Variants in ACTR3C observed in about 807,000 individuals in gnomAD.
ACTR3C encodes the protein actin related protein 3C.
Under a neutral mutation model 26.3 loss-of-function variants are expected in ACTR3C, and 18 were observed. The observed-to-expected ratio is 0.68, with a 90% confidence interval of 0.47 to 1.01. ACTR3C has a LOEUF of 1.01. Ranked by LOEUF, ACTR3C falls within the 50% of genes least tolerant of loss-of-function variation. ACTR3C has a pLI of 0.00. For missense variants in ACTR3C, 184 were observed against 250.7 expected, an observed-to-expected ratio of 0.73 and a Z score of 1.80; for synonymous variants, 55 against 94.5, an observed-to-expected ratio of 0.58 and a Z score of 2.42.
intron 6 of ACTR3C, among the ~76,000 whole-genome samples, chr7:150,266,218 A>G (rs1321749739): frequency 6.8e-6 from 1 of 146,104 alleles, no homozygotes; most frequent in Non-Finnish European, 1.5e-5. Context: ...AATTTCCTTC[A>G]AAGGCATTAT....
At chr7:149,979,275 G>A in the ACTR3C span, among the ~76,000 whole-genome samples, 1 of 152,184 alleles carries the variant, frequency 6.6e-6, no homozygotes, top group African/African-American at 2.4e-5. Context: ...AATGAAAAAG[G>A]GATAAAGCTC....
At chr7:150,279,277 C>T (rs1484167773) in intron 6 of ACTR3C, among the ~76,000 whole-genome samples, 6 of 152,172 alleles carry the variant, frequency 3.9e-5, no homozygotes, top group Non-Finnish European at 8.8e-5. Flanking sequence ...TGCACTTCAG[C>T]GTGGGCAACA....
the ACTR3C span, among the ~76,000 whole-genome samples, chr7:149,995,712 T>C: frequency 1.3e-5 from 2 of 152,254 alleles, no homozygotes; most frequent in South Asian, 2.1e-4. Flanking sequence ...GTCAGTTAGA[T>C]ACAAAGACCT....
the ACTR3C span, among the ~76,000 whole-genome samples, chr7:150,035,476 G>T: frequency 3.6e-4 from 6 of 16,890 alleles, no homozygotes; most frequent in African/African-American, 7.2e-4. Context: ...GATGGGGGTA[G>T]TAACAGCCAG....
chr7:150,228,020 G>T, the ACTR3C span, among the ~76,000 whole-genome samples: 1 of 152,042 alleles, frequency 6.6e-6, no homozygotes, highest in Non-Finnish European at 1.5e-5. Context: ...TTTAGCTTCT[G>T]TTTGTTGATA....
At chr7:150,113,767 C>T in the ACTR3C span, among the ~76,000 whole-genome samples, 1 of 152,208 alleles carries the variant, frequency 6.6e-6, no homozygotes, top group Non-Finnish European at 1.5e-5. Flanking sequence ...TCTAAACAGT[C>T]TATGCCTGGC....
At chr7:150,037,646 C>T in the ACTR3C span, among the ~76,000 whole-genome samples, 1 of 104,724 alleles carries the variant, frequency 9.5e-6, no homozygotes, top group African/African-American at 4.1e-5. Flanking sequence ...GAACTTTCTA[C>T]TTGGACAACT....
chr7:150,038,094 C>T, the ACTR3C span, among the ~76,000 whole-genome samples: 89 of 141,240 alleles, frequency 6.3e-4, 8 homozygotes, highest in African/African-American at 2.3e-3. Flanking sequence ...GCCTCCCCCC[C>T]TGTGATGGGA....
the ACTR3C span, among the ~76,000 whole-genome samples, chr7:150,140,210 T>C: frequency 2.6e-5 from 4 of 152,222 alleles, no homozygotes; most frequent in South Asian, 8.3e-4. Context: ...TTCCCTCACA[T>C]ATCAACCATC....
chr7:149,904,444 T>G, the ACTR3C span, among the ~76,000 whole-genome samples: 1 of 150,656 alleles, frequency 6.6e-6, no homozygotes, highest in African/African-American at 2.4e-5. Context: ...GGCAGGAGAA[T>G]CGCTTGAACC....
chr7:150,251,289 T>C (rs563368876), intron 6 of ACTR3C, among the ~76,000 whole-genome samples: 119 of 152,354 alleles, frequency 7.8e-4, no homozygotes, highest in Non-Finnish European at 1.2e-4. Flanking sequence ...GATTACTTTA[T>C]TGGTTGTTAT....
chr7:149,976,911 CAG>C, the ACTR3C span, among the ~76,000 whole-genome samples: 1 of 151,416 alleles, frequency 6.6e-6, no homozygotes, highest in Non-Finnish European at 1.5e-5. Flanking sequence ...GAAATAAAGA[CAG>C]GGGTAAGGAA....
At chr7:149,910,502 T>C in the ACTR3C span, among the ~76,000 whole-genome samples, 12 of 152,168 alleles carry the variant, frequency 7.9e-5, no homozygotes, top group African/African-American at 1.9e-4. Flanking sequence ...CAGAACCATC[T>C]GCTGGAAATA....
At chr7:150,203,175 A>C in the ACTR3C span, among the ~76,000 whole-genome samples, 5 of 152,216 alleles carry the variant, frequency 3.3e-5, no homozygotes, top group South Asian at 1.0e-3. Context: ...GACCTACTCA[A>C]TCAGAATCCA....
the ACTR3C span, among the ~76,000 whole-genome samples, chr7:150,034,330 C>G: frequency 6.6e-6 from 1 of 151,704 alleles, no homozygotes; most frequent in Non-Finnish European, 1.5e-5. Context: ...AAAAGTCCAG[C>G]TGCCATCTTT....
the ACTR3C span, among the ~76,000 whole-genome samples, chr7:150,059,818 C>T: frequency 6.6e-5 from 10 of 152,182 alleles, no homozygotes; most frequent in African/African-American, 2.4e-4. Flanking sequence ...AGATGACAGG[C>T]TTGAAATCCT....
the ACTR3C span, among the ~76,000 whole-genome samples, chr7:150,142,061 G>A: frequency 3.3e-5 from 5 of 152,104 alleles, no homozygotes; most frequent in South Asian, 2.1e-4. Flanking sequence ...ATGCAACCCC[G>A]CCTCCGATGA....
At chr7:150,155,631 G>T in the ACTR3C span, among the ~76,000 whole-genome samples, 1 of 148,412 alleles carries the variant, frequency 6.7e-6, no homozygotes, top group Admixed American at 6.7e-5. Context: ...CTAGTGTCCT[G>T]TGCCTCTGTG....
chr7:150,058,039 G>T, the ACTR3C span, among the ~76,000 whole-genome samples: 35 of 152,286 alleles, frequency 2.3e-4, no homozygotes, highest in Admixed American at 1.8e-3. Context: ...CCCAGATTCG[G>T]TGACTTTTAG....
Sources: allele counts gnomAD v4.1 joint callset (sites outside exome capture counted in the v4.1 genomes callset), GRCh38; gene constraint gnomAD v4.1.1; transcripts MANE v1.5; gene names NCBI Gene and HGNC (gene_info 2026-07-23, HGNC 2026-07-21).